SCFD2: variants seen among roughly 807,000 people sequenced by gnomAD.
SCFD2 encodes sec1 family domain-containing protein 2.
A neutral mutation model predicts 58.9 loss-of-function variants in SCFD2; 54 were observed. The ratio of observed to expected loss-of-function variants is 0.92; its 90% CI spans 0.74 to 1.15. SCFD2 has a LOEUF of 1.15. Ranked by LOEUF, SCFD2 falls within the 50% of genes most tolerant of loss-of-function variation. The probability of loss-of-function intolerance (pLI) is 0.00; values close to 1 mark genes in which losing one functional copy is unlikely to be tolerated. For synonymous variants in SCFD2, 321 were observed against 335.9 expected, an observed-to-expected ratio of 0.96 and a Z score of 0.49; for missense variants, 805 against 836.6, an observed-to-expected ratio of 0.96 and a Z score of 0.47.
At chr4:53,330,281 G>A (rs1467273961) in intron 2 of SCFD2, among the ~76,000 whole-genome samples, 2 of 151,804 alleles carry the variant, frequency 1.3e-5, no homozygotes, top group Non-Finnish European at 2.9e-5. Context: ...GCAACTCCAA[G>A]ACACATAATT....
intron 3 of SCFD2, among the ~76,000 whole-genome samples, chr4:53,293,495 T>A (rs1731914533): frequency 6.6e-6 from 1 of 152,134 alleles, no homozygotes; most frequent in Non-Finnish European, 1.5e-5. Context: ...AATCATATAC[T>A]ATAATATATC....
At chr4:53,212,372 T>C (rs1728641161) in intron 4 of SCFD2, among the ~76,000 whole-genome samples, 1 of 151,606 alleles carries the variant, frequency 6.6e-6, no homozygotes, top group South Asian at 2.1e-4. Context: ...CACAATGAAA[T>C]CAATTACCTA....
At chr4:53,251,265 C>A (rs1730365824) in intron 4 of SCFD2, among the ~76,000 whole-genome samples, 1 of 151,978 alleles carries the variant, frequency 6.6e-6, no homozygotes, top group Non-Finnish European at 1.5e-5. Flanking sequence ...AAAAAGAGTC[C>A]AGGACCAGAT....
chr4:53,279,450 T>TG (rs1320422942), intron 3 of SCFD2, among the ~76,000 whole-genome samples: 1 of 152,170 alleles, frequency 6.6e-6, no homozygotes, highest in Non-Finnish European at 1.5e-5. Flanking sequence ...AACAGGCTTC[T>TG]GGTTTCAATT....
intron 3 of SCFD2, among the ~76,000 whole-genome samples, chr4:53,292,235 A>T (rs1164719205): frequency 6.6e-6 from 1 of 152,202 alleles, no homozygotes; most frequent in Non-Finnish European, 1.5e-5. Flanking sequence ...TCTGCACAGC[A>T]AAAGTAACTA....
At chr4:53,293,460 A>C (rs1033626308) in intron 3 of SCFD2, among the ~76,000 whole-genome samples, 3 of 152,194 alleles carry the variant, frequency 2.0e-5, no homozygotes, top group Non-Finnish European at 2.9e-5. Context: ...CCCGGATGTT[A>C]AAATAAAATA....
chr4:53,017,872 G>C (rs1313149769), intron 5 of SCFD2, among the ~76,000 whole-genome samples: 1 of 145,880 alleles, frequency 6.9e-6, no homozygotes, highest in African/African-American at 2.4e-5. Context: ...CTACCTGGTA[G>C]GTCATTCCCC....
At chr4:53,042,351 A>T (rs1309834449) in intron 5 of SCFD2, among the ~76,000 whole-genome samples, 3 of 152,108 alleles carry the variant, frequency 2.0e-5, no homozygotes, top group Admixed American at 1.3e-4. Context: ...ATATATATAT[A>T]TATCATCAAA....
At chr4:53,198,345 C>T (rs183789242) in intron 4 of SCFD2, among the ~76,000 whole-genome samples, 170 of 151,774 alleles carry the variant, frequency 1.1e-3, no homozygotes, top group African/African-American at 3.6e-3. Context: ...TTTAAGGGGA[C>T]GGGCTGTTAT....
intron 5 of SCFD2, among the ~76,000 whole-genome samples, chr4:53,096,451 C>T (rs1724637964): frequency 1.3e-5 from 2 of 152,316 alleles, no homozygotes; most frequent in Admixed American, 1.3e-4. Flanking sequence ...TTTTGACTTG[C>T]ATTTCTCTGA....
intron 5 of SCFD2, among the ~76,000 whole-genome samples, chr4:53,106,318 C>T (rs1297135022): frequency 1.3e-5 from 2 of 152,194 alleles, no homozygotes; most frequent in Non-Finnish European, 2.9e-5. Context: ...TCTTCTCCTC[C>T]AAACGGTCAC....
chr4:53,077,966 T>C (rs774076121), intron 5 of SCFD2, among the ~76,000 whole-genome samples: 2 of 152,166 alleles, frequency 1.3e-5, no homozygotes, highest in Non-Finnish European at 2.9e-5. Flanking sequence ...GAGCTTGGTG[T>C]AGTATGATTA....
chr4:53,091,108 T>C (rs896384894), intron 5 of SCFD2, among the ~76,000 whole-genome samples: 3 of 152,160 alleles, frequency 2.0e-5, no homozygotes, highest in Admixed American at 6.6e-5. Context: ...TTTCATACTA[T>C]ATTATACTAT....
intron 5 of SCFD2, among the ~76,000 whole-genome samples, chr4:53,095,545 C>T (rs1456212463): frequency 6.6e-6 from 1 of 152,132 alleles, no homozygotes; most frequent in Non-Finnish European, 1.5e-5. Context: ...TTACTCCCCT[C>T]TTCAGTATCT....
At chr4:53,217,661 A>G (rs1560391724) in intron 4 of SCFD2, among the ~76,000 whole-genome samples, 1 of 152,162 alleles carries the variant, frequency 6.6e-6, no homozygotes, top group Non-Finnish European at 1.5e-5. Context: ...TAATATCGTT[A>G]TGTGTGAATT....
At chr4:53,020,780 T>C (rs1423081016) in intron 5 of SCFD2, among the ~76,000 whole-genome samples, 1 of 152,188 alleles carries the variant, frequency 6.6e-6, no homozygotes, top group African/African-American at 2.4e-5. Context: ...TATATAGTCC[T>C]AGGAACCATG....
At chr4:53,117,297 AG>A (rs1725352434) in intron 5 of SCFD2, among the ~76,000 whole-genome samples, 1 of 152,152 alleles carries the variant, frequency 6.6e-6, no homozygotes, top group South Asian at 2.1e-4. Context: ...CACCCTTGCA[AG>A]ACTTAGCCAA....
At chr4:53,238,962 G>A (rs1431033545) in intron 4 of SCFD2, among the ~76,000 whole-genome samples, 264 of 152,144 alleles carry the variant, frequency 1.7e-3, no homozygotes, top group Non-Finnish European at 3.1e-3. Flanking sequence ...ACGGGGTGGC[G>A]GCCGGGCAGA....
At chr4:53,243,027 G>T (rs1375474221) in intron 4 of SCFD2, among the ~76,000 whole-genome samples, 2 of 152,150 alleles carry the variant, frequency 1.3e-5, no homozygotes, top group Non-Finnish European at 1.5e-5. Context: ...ATAGAGATGG[G>T]GATAATGGAA....
Sources: gnomAD v4.1 joint callset for allele counts (sites outside exome capture counted in the v4.1 genomes callset) on GRCh38, gnomAD v4.1.1 for gene constraint, MANE v1.5 for transcripts, NCBI Gene and HGNC (gene_info 2026-07-23, HGNC 2026-07-21) for gene names.